Variants in ANKRD30B observed in about 807,000 individuals in gnomAD.
ANKRD30B encodes the protein ankyrin repeat domain-containing protein 30B.
A neutral mutation model predicts 202.2 loss-of-function variants in ANKRD30B; 144 were observed. The ratio of observed to expected loss-of-function variants is 0.71; its 90% CI spans 0.62 to 0.82. The LOEUF is 0.82. Among genes scored for constraint, ANKRD30B ranks in the 40% least tolerant of loss-of-function variants. The pLI is 0.00. For synonymous variants in ANKRD30B, 508 were observed against 561.3 expected (o/e 0.91, Z 1.34); for missense variants, 1,487 against 1,669.1 (o/e 0.89, Z 1.90).
intron 15 of ANKRD30B, among the ~76,000 whole-genome samples, chr18:14,790,617 C>T (rs1338024235): frequency 4.6e-5 from 7 of 152,092 alleles, no homozygotes; most frequent in Non-Finnish European, 8.8e-5. Flanking sequence ...TGAATTTTGT[C>T]AAAGGCCTTT....
chr18:14,911,716 G>A, the ANKRD30B span, among the ~76,000 whole-genome samples: 1 of 152,114 alleles, frequency 6.6e-6, no homozygotes, highest in African/African-American at 2.4e-5. Flanking sequence ...GCTTTGGGCT[G>A]TATGGTCACT....
chr18:14,784,579 T>C lies in ANKRD30B; in HGVS notation c.1672+44T>C, dbSNP rs760181132. The C allele has an allele frequency of 9.6e-6, 15 of 1,557,638 alleles. No homozygotes were observed. In the African/African-American group the frequency reaches 2.0e-4, roughly 21 times the overall value. On this transcript the variant is annotated intron_variant, in intron 14 of 43. Transcript: ENST00000690538. The stretch of plus-strand genomic sequence containing the variant: ...CTATGCAAAGATGAATAGTTCAATA[T>C]TGGACATTTTGATAGTCTTTCTATC...
chr18:14,831,202 G>GAAAAAAAAAAAAAAAAAAAAAAAAAA (rs1434127361), intron 33 of ANKRD30B, among the ~76,000 whole-genome samples, 181 bp from the exon 34 acceptor site: 4 of 76,928 alleles, frequency 5.2e-5, no homozygotes, highest in African/African-American at 2.2e-4. Context: ...AAAAAAAAAC[G>GAAAAAAAAAAAAAAAAAAAAAAAAAA]AAAACCAGAT....
intron 32 of ANKRD30B, among the ~76,000 whole-genome samples, chr18:14,824,590 T>A (rs1019758040): frequency 6.6e-6 from 1 of 152,196 alleles, no homozygotes; most frequent in African/African-American, 2.4e-5. Flanking sequence ...AATGGAATAA[T>A]AAATATGTAA....
chr18:14,878,145 G>A, the ANKRD30B span, among the ~76,000 whole-genome samples: 2 of 152,174 alleles, frequency 1.3e-5, no homozygotes, highest in Non-Finnish European at 2.9e-5. Context: ...CTCGTGTGCT[G>A]TGCTTTTGAA....
chr18:14,812,524 GT>G (rs1411631848), intron 28 of ANKRD30B, among the ~76,000 whole-genome samples: 1 of 132,144 alleles, frequency 7.6e-6, no homozygotes, highest in Non-Finnish European at 1.6e-5. Flanking sequence ...TGCAATAAAA[GT>G]TTTTTAAGCT....
Position 14,748,476 on chromosome 18 carries a change from C to T in ANKRD30B, c.57C>T (p.Asn19=). The T allele has an allele frequency of 6.5e-7, 1 of 1,546,152 alleles. No individual in the cohort carries two copies. ...GCGTGCGGGGCCCGGAGCCCCCGAA[C>T]CCCTTCAGCGAACGGGTCTACACTG... The part of the protein sequence containing the change: ...GKGVRGPEPP[N]PFSERVYTEK... The change falls in exon 1 of 44, where the codon AAC becomes AAT. Residue 19 remains asparagine, a synonymous_variant. Coordinates refer to ENST00000690538, the MANE Select transcript of ANKRD30B (RefSeq NM_001367607.2).
intron 14 of ANKRD30B, 134 bp from the exon 15 acceptor site, chr18:14,786,905 T>C: frequency 2.5e-6 from 2 of 805,592 alleles, no homozygotes; most frequent in Non-Finnish European, 3.7e-6. Flanking sequence ...GTAGTCACTG[T>C]AATCAACAAA....
At chr18:14,819,659 G>T (rs1342966547) in intron 30 of ANKRD30B, among the ~76,000 whole-genome samples, 3 of 151,914 alleles carry the variant, frequency 2.0e-5, no homozygotes, top group Non-Finnish European at 4.4e-5. Context: ...GTTTGTCAAA[G>T]ATCAGATAGT....
chr18:14,931,731 C>A, the ANKRD30B span, among the ~76,000 whole-genome samples: 1 of 152,102 alleles, frequency 6.6e-6, no homozygotes, highest in Admixed American at 6.5e-5. Context: ...CGAAGTACAG[C>A]CCCTTTTGAT....
chr18:14,835,956 A>T (rs1360624350), intron 34 of ANKRD30B, among the ~76,000 whole-genome samples: 3 of 151,926 alleles, frequency 2.0e-5, no homozygotes, highest in Non-Finnish European at 4.4e-5. Context: ...TATTTCAGAA[A>T]TAAATATTTA....
rs1969337749 is a variant in ANKRD30B at position 14,803,769 on chromosome 18, T to C, written c.2229T>C (p.Cys743=). The C allele has an allele frequency of 6.2e-7, 1 of 1,607,274 alleles. No individual in the cohort carries two copies. The highest frequency in any genetic ancestry group is 2.2e-5 in the East Asian group (1 of 44,638). The change falls in exon 24 of 44, where the codon TGT becomes TGC. Residue 743 remains cysteine (C), a synonymous_variant. Coordinates refer to ENST00000690538, the MANE Select transcript of ANKRD30B (RefSeq NM_001367607.2). ...AGACTCTCTTACAGAATGATGTGTG[T>C]TTACCCAAGGCTACACATCAAAAAG... is the stretch of plus-strand genomic sequence containing the variant. ...FLETLLQNDV[C]LPKATHQKEF...
chr18:14,818,024 T>C (rs1471599952), intron 30 of ANKRD30B, among the ~76,000 whole-genome samples: 1 of 152,140 alleles, frequency 6.6e-6, no homozygotes, highest in Non-Finnish European at 1.5e-5. Context: ...ACTTGATATG[T>C]CTAAATATAT....
chr18:14,774,157 T>A (rs530638555), intron 9 of ANKRD30B, among the ~76,000 whole-genome samples: 1 of 152,132 alleles, frequency 6.6e-6, no homozygotes, highest in African/African-American at 2.4e-5. Flanking sequence ...ATAATAAAAT[T>A]AAAATCTTTA....
chr18:14,771,331 A>G (rs1966991187), intron 8 of ANKRD30B, among the ~76,000 whole-genome samples: 1 of 152,104 alleles, frequency 6.6e-6, no homozygotes, highest in Admixed American at 6.5e-5. Context: ...CTCTGTATAT[A>G]TAGTACTTAG....
chr18:14,757,765 A>T, intron 4 of ANKRD30B, 50 bp from the exon 5 acceptor site: 1 of 1,583,012 alleles, frequency 6.3e-7, no homozygotes, highest in African/African-American at 1.3e-5. Context: ...ACTGATAGGC[A>T]CATATTAAAT....
chr18:14,763,796 G>T lies in ANKRD30B; in HGVS notation c.931G>T (p.Glu311Ter). 1 of 1,613,938 alleles carries T rather than the reference G, an allele frequency of 6.2e-7. No homozygotes were observed. The highest frequency in any genetic ancestry group is 8.5e-7 in the Non-Finnish European group (1 of 1,179,954). Residue 311 changes from glutamate (E) to a stop codon, truncating the protein, a stop_gained, in exon 7 of 44, where the codon GAG becomes TAG. Coordinates refer to ENST00000690538, the MANE Select transcript of ANKRD30B (RefSeq NM_001367607.2). LOFTEE classifies it high-confidence loss of function. Reference sequence around the variant, plus strand: ...ACCTGACGAGGCTGCACGCTTGGTGGAGGGAACGTCTGCCAAAATTCAATG... The same window carrying T: ...ACCTGACGAGGCTGCACGCTTGGTGTAGGGAACGTCTGCCAAAATTCAATG... ...KTPDEAARLV[E>*]GTSAKIQCLG...
At chr18:14,904,348 ATAG>A in the ANKRD30B span, among the ~76,000 whole-genome samples, 11 of 152,210 alleles carry the variant, frequency 7.2e-5, no homozygotes, top group African/African-American at 2.7e-4. Context: ...GTCTAACCTA[ATAG>A]TAAACATGTT....
chr18:14,894,343 C>T, the ANKRD30B span, among the ~76,000 whole-genome samples: 1 of 151,718 alleles, frequency 6.6e-6, no homozygotes, highest in Admixed American at 6.6e-5. Flanking sequence ...TTTTTAATTA[C>T]CAATAGCTTT....
Sources: allele counts gnomAD v4.1 joint callset (sites outside exome capture counted in the v4.1 genomes callset), GRCh38; gene constraint gnomAD v4.1.1; transcripts MANE v1.5; gene names NCBI Gene and HGNC (gene_info 2026-07-23, HGNC 2026-07-21).